Variants in GNB1L observed in about 807,000 individuals in gnomAD.
The protein encoded by GNB1L is guanine nucleotide-binding protein subunit beta-like protein 1.
A neutral mutation model predicts 29.1 loss-of-function variants in GNB1L; 20 were observed. That is an observed-to-expected ratio of 0.69 (90% CI 0.48 to 1.00). The LOEUF is 1.00. GNB1L is among the 50% of genes least tolerant of loss of function. The pLI is 0.00. For missense variants in GNB1L, 421 were observed against 464.9 expected (o/e 0.91, Z 0.87); for synonymous variants, 193 against 206.5 (o/e 0.93, Z 0.56).
At chr22:19,822,602 T>G (rs1012364855) in intron 2 of GNB1L, among the ~76,000 whole-genome samples, 10 of 152,184 alleles carry the variant, frequency 6.6e-5, no homozygotes, top group African/African-American at 2.2e-4. Flanking sequence ...ACAGGGGGCC[T>G]TTCCCACTGG....
chr22:19,799,615 C>T (rs976739821), intron 7 of GNB1L, among the ~76,000 whole-genome samples: 4 of 152,222 alleles, frequency 2.6e-5, no homozygotes, highest in Non-Finnish European at 2.9e-5. Context: ...CAGCACCCGC[C>T]GGGGGGAGAC....
chr22:19,806,820 A>C, intron 5 of GNB1L, 63 bp from the exon 6 acceptor site: 1 of 1,156,942 alleles, frequency 8.6e-7, no homozygotes, highest in Non-Finnish European at 1.3e-6. Context: ...TATACAAACA[A>C]GAGACTCTTA....
At chr22:19,817,908 G>T (rs1937544377) in intron 4 of GNB1L, among the ~76,000 whole-genome samples, 1 of 152,228 alleles carries the variant, frequency 6.6e-6, no homozygotes. Flanking sequence ...AAAACACCCT[G>T]CCGAGGTGGC....
chr22:19,829,276 C>A (rs1937647869), intron 2 of GNB1L, among the ~76,000 whole-genome samples: 3 of 152,126 alleles, frequency 2.0e-5, no homozygotes. Context: ...CTCTTCTTCT[C>A]AAGGGTACAT....
intron 7 of GNB1L, chr22:19,792,409 T>G: frequency 6.6e-7 from 1 of 1,512,684 alleles, no homozygotes; most frequent in Non-Finnish European, 9.1e-7. Flanking sequence ...CCTAAGAATT[T>G]TGGCATCGGA....
Position 19,800,739 on chromosome 22 carries a change from G to A in GNB1L, c.732+1262C>T, listed in dbSNP as rs578220840. On this transcript the variant is annotated intron_variant, in intron 7 of 7. Coordinates refer to ENST00000329517, the MANE Select transcript of GNB1L (RefSeq NM_053004.3). ...GGTGAGGGATGGACACAGCTCTCCT[G>A]CAAGTCTACCATGTGCCTGCACAGG... Among the ~76,000 whole-genome samples, 3 of 152,366 alleles carry A rather than the reference G, an allele frequency of 2.0e-5. No individual in the cohort carries two copies. The South Asian group carries it at 6.2e-4, about 32-fold the overall frequency.
intron 2 of GNB1L, among the ~76,000 whole-genome samples, chr22:19,827,394 G>A (rs950412456): frequency 2.0e-5 from 3 of 152,174 alleles, no homozygotes; most frequent in African/African-American, 7.2e-5. Context: ...TACTACACTT[G>A]CAGCTTTTCT....
intron 7 of GNB1L, 71 bp from the exon 8 acceptor site, chr22:19,789,031 C>G: frequency 6.7e-7 from 1 of 1,490,424 alleles, no homozygotes; most frequent in African/African-American, 1.4e-5. Flanking sequence ...GGTGCCCCAC[C>G]TGCAGCTGGA....
chr22:19,801,699 T>G (rs1253328023), intron 7 of GNB1L, among the ~76,000 whole-genome samples: 1 of 151,542 alleles, frequency 6.6e-6, no homozygotes, highest in Non-Finnish European at 1.5e-5. Flanking sequence ...CTGACCAAAT[T>G]CCTCTGAGTT....
intron 5 of GNB1L, among the ~76,000 whole-genome samples, chr22:19,808,208 C>T (rs147498559): frequency 1.4e-4 from 21 of 152,306 alleles, no homozygotes; most frequent in African/African-American, 5.1e-4. Flanking sequence ...ATCTAGGCCC[C>T]ACACAAACGC....
At chr22:19,792,811 T>C (rs762039591) in intron 7 of GNB1L, 19 of 1,333,928 alleles carry the variant, frequency 1.4e-5, no homozygotes, top group Non-Finnish European at 2.0e-5. Context: ...TTGCCTGCCT[T>C]GTGTCGTAAA....
chr22:19,806,910 G>A (rs1029534451), intron 5 of GNB1L, among the ~76,000 whole-genome samples, 153 bp from the exon 6 acceptor site: 3 of 152,198 alleles, frequency 2.0e-5, no homozygotes, highest in Non-Finnish European at 4.4e-5. Flanking sequence ...TCCTAATTAG[G>A]CTGCATGGGC....
intron 2 of GNB1L, among the ~76,000 whole-genome samples, chr22:19,830,153 T>C (rs1937659796): frequency 6.6e-6 from 1 of 152,018 alleles, no homozygotes; most frequent in African/African-American, 2.4e-5. Context: ...TGTACTATGA[T>C]CACACCTGTG....
intron 7 of GNB1L, among the ~76,000 whole-genome samples, chr22:19,789,932 G>A (rs985314275): frequency 6.6e-6 from 1 of 152,178 alleles, no homozygotes; most frequent in Non-Finnish European, 1.5e-5. Flanking sequence ...ATGTTGATGA[G>A]GGTGCTGTTT....
At chr22:19,823,092 C>G (rs898339614) in intron 2 of GNB1L, among the ~76,000 whole-genome samples, 1 of 152,136 alleles carries the variant, frequency 6.6e-6, no homozygotes, top group Non-Finnish European at 1.5e-5. Flanking sequence ...CGAGAGACCT[C>G]GGGCAGCCAC....
chr22:19,802,278 G>GA (rs2068283346), intron 6 of GNB1L, 62 bp from the exon 7 acceptor site: 3 of 1,369,202 alleles, frequency 2.2e-6, no homozygotes, highest in Non-Finnish European at 3.1e-6. Context: ...AGTTTCGGGG[G>GA]AGAAGGGGCT....
intron 2 of GNB1L, among the ~76,000 whole-genome samples, chr22:19,838,957 A>G (rs1937811690): frequency 6.6e-6 from 1 of 152,366 alleles, no homozygotes; most frequent in South Asian, 2.1e-4. Context: ...ATGACCATCT[A>G]TGGATGAATG....
intron 5 of GNB1L, among the ~76,000 whole-genome samples, chr22:19,809,225 G>A (rs1218784796): frequency 4.0e-5 from 6 of 151,746 alleles, no homozygotes; most frequent in Non-Finnish European, 4.4e-5. Context: ...AGGGGAGCAC[G>A]GTGGTGGAAG....
intron 2 of GNB1L, among the ~76,000 whole-genome samples, chr22:19,830,119 G>C (rs1261963172): frequency 6.6e-6 from 1 of 152,124 alleles, no homozygotes; most frequent in Non-Finnish European, 1.5e-5. Context: ...AGGATTGCTT[G>C]AGCTCAGGAG....
Sources: gnomAD v4.1 joint callset for allele counts (sites outside exome capture counted in the v4.1 genomes callset) on GRCh38, gnomAD v4.1.1 for gene constraint, MANE v1.5 for transcripts, NCBI Gene and HGNC (gene_info 2026-07-23, HGNC 2026-07-21) for gene names.